LHFPL2: variants seen among roughly 807,000 people sequenced by gnomAD.
LHFPL2 encodes the protein LHFPL tetraspan subfamily member 2.
LHFPL2 carries 7 observed loss-of-function variants against 17.5 expected under a neutral mutation model. The observed-to-expected ratio is 0.40, with a 90% CI of 0.23 to 0.75. LHFPL2 has a LOEUF of 0.75. LHFPL2 is among the 30% of genes least tolerant of loss of function. The probability of loss-of-function intolerance (pLI) is 0.37; values close to 1 mark genes in which losing one functional copy is unlikely to be tolerated. For synonymous variants in LHFPL2, 134 were observed against 116.2 expected (o/e 1.15, Z -0.99); for missense variants, 241 against 294.8 (o/e 0.82, Z 1.34).
chr5:78,599,339 G>A (rs1743930285), intron 2 of LHFPL2, among the ~76,000 whole-genome samples: 1 of 152,030 alleles, frequency 6.6e-6, no homozygotes, highest in African/African-American at 2.4e-5. Flanking sequence ...TGCTCTTGTT[G>A]CCCAGGCTGG....
At chr5:78,630,277 G>C (rs554094050) in intron 2 of LHFPL2, among the ~76,000 whole-genome samples, 1 of 152,322 alleles carries the variant, frequency 6.6e-6, no homozygotes, top group Admixed American at 6.5e-5. Flanking sequence ...CTCCCTGCAT[G>C]GGGCAGTGTG....
In LHFPL2 at chr5:78,485,821, T is replaced by C. The variant is rs1754219421; in HGVS notation, c.*3076A>G. 6.6e-6 allele frequency: 1 copy of C among 152,630 alleles called. No homozygotes were observed. The highest frequency in any genetic ancestry group is 2.4e-5 in the African/African-American group (1 of 41,444). The allele number at this position is 152,630 out of a possible 1,614,324, so 9.5% of individuals were successfully genotyped here. On this transcript the variant is annotated 3_prime_UTR_variant, in exon 5 of 5. Coordinates refer to ENST00000380345, the MANE Select transcript of LHFPL2 (RefSeq NM_005779.3). ...CATTAACTGGGCCTGGCGTGCGGGC[T>C]TAACTTTGACATAACACTAGCGATT... is the stretch of plus-strand genomic sequence containing the variant.
chr5:78,497,045 T>C (rs555426057), intron 4 of LHFPL2, among the ~76,000 whole-genome samples: 1 of 152,362 alleles, frequency 6.6e-6, no homozygotes, highest in South Asian at 2.1e-4. Flanking sequence ...ACCAGGACTC[T>C]TGATTTCCAT....
intron 2 of LHFPL2, among the ~76,000 whole-genome samples, chr5:78,589,379 A>C (rs1743544601): frequency 6.6e-6 from 1 of 151,544 alleles, no homozygotes; most frequent in Non-Finnish European, 1.5e-5. Flanking sequence ...GCTAAGGAGG[A>C]GAATCGCTTG....
chr5:78,544,764 CACACACGTAT>C (rs1163441152), intron 3 of LHFPL2, among the ~76,000 whole-genome samples: 2 of 151,674 alleles, frequency 1.3e-5, no homozygotes, highest in African/African-American at 2.4e-5. Flanking sequence ...CACACACACA[CACACACGTAT>C]ACACACACAC....
intron 3 of LHFPL2, among the ~76,000 whole-genome samples, chr5:78,524,640 G>T (rs1304580527): frequency 6.6e-6 from 1 of 151,770 alleles, no homozygotes; most frequent in African/African-American, 2.4e-5. Context: ...TGCTCAGGAG[G>T]CTGAGGCACA....
chr5:78,596,737 G>C (rs1440188303), intron 2 of LHFPL2, among the ~76,000 whole-genome samples: 1 of 152,162 alleles, frequency 6.6e-6, no homozygotes. Flanking sequence ...ATCTACCAAG[G>C]AAATGCTGCC....
intron 2 of LHFPL2, among the ~76,000 whole-genome samples, chr5:78,609,018 C>T (rs1221052149): frequency 6.6e-6 from 1 of 152,010 alleles, no homozygotes; most frequent in Non-Finnish European, 1.5e-5. Flanking sequence ...AATGGCATGA[C>T]CTTTCTGCAA....
chr5:78,599,368 C>T (rs1462422049), intron 2 of LHFPL2, among the ~76,000 whole-genome samples: 5 of 152,042 alleles, frequency 3.3e-5, no homozygotes, highest in Admixed American at 6.6e-5. Context: ...GGCTCAATCT[C>T]GGCTCACTGC....
intron 3 of LHFPL2, among the ~76,000 whole-genome samples, chr5:78,533,850 C>T (rs1053346161): frequency 6.6e-6 from 1 of 152,210 alleles, no homozygotes; most frequent in African/African-American, 2.4e-5. Flanking sequence ...AATCTACAGG[C>T]CCTGCCTCGG....
intron 1 of LHFPL2, among the ~76,000 whole-genome samples, chr5:78,642,740 T>C (rs896960812): frequency 2.0e-5 from 3 of 152,184 alleles, no homozygotes; most frequent in African/African-American, 7.2e-5. Context: ...GGGCTTGTAG[T>C]TCAGTTTTGG....
intron 4 of LHFPL2, chr5:78,494,285 G>A (rs1280078858): frequency 1.2e-6 from 1 of 806,508 alleles, no homozygotes; most frequent in Non-Finnish European, 1.5e-6. Flanking sequence ...ATGGGGGGGA[G>A]AATGACACTG....
At chr5:78,599,761 G>A (rs75457385) in intron 2 of LHFPL2, among the ~76,000 whole-genome samples, 2,366 of 152,228 alleles carry the variant, frequency 0.016, 66 homozygotes, top group African/African-American at 0.054. Context: ...TACAGATAAT[G>A]GCAGACAATG....
intron 3 of LHFPL2, among the ~76,000 whole-genome samples, chr5:78,562,895 G>C (rs1580810052): frequency 1.3e-5 from 2 of 152,324 alleles, no homozygotes; most frequent in African/African-American, 4.8e-5. Flanking sequence ...CCCAGAGCAG[G>C]ATTAAACAGG....
At chr5:78,644,262 C>T (rs1745785999) in intron 1 of LHFPL2, 1 of 782,084 alleles carries the variant, frequency 1.3e-6, no homozygotes, top group Non-Finnish European at 2.2e-6. Context: ...TGTGCTAGAA[C>T]CAACTTATTC....
intron 2 of LHFPL2, among the ~76,000 whole-genome samples, chr5:78,568,542 C>T (rs1304802675): frequency 6.6e-6 from 1 of 152,140 alleles, no homozygotes; most frequent in Non-Finnish European, 1.5e-5. Context: ...ACTTGAAGTG[C>T]ACTGATTTGA....
At chr5:78,634,521 C>T (rs1745364018) in intron 1 of LHFPL2, among the ~76,000 whole-genome samples, 1 of 152,250 alleles carries the variant, frequency 6.6e-6, no homozygotes, top group Non-Finnish European at 1.5e-5. Flanking sequence ...AAAGGCCTTC[C>T]ATGGCCAAAC....
intron 4 of LHFPL2, among the ~76,000 whole-genome samples, chr5:78,493,701 T>C (rs1311563532): frequency 6.6e-6 from 1 of 152,098 alleles, no homozygotes; most frequent in African/African-American, 2.4e-5. Context: ...AGAAAGAAAA[T>C]AGAGACCTTT....
chr5:78,569,036 G>A (rs1323836435), intron 2 of LHFPL2, among the ~76,000 whole-genome samples: 3 of 152,154 alleles, frequency 2.0e-5, no homozygotes, highest in South Asian at 2.1e-4. Flanking sequence ...AGGCAGGCCA[G>A]TGTATTTCCA....
Sources: gnomAD v4.1 joint callset for allele counts (sites outside exome capture counted in the v4.1 genomes callset) on GRCh38, gnomAD v4.1.1 for gene constraint, MANE v1.5 for transcripts, NCBI Gene and HGNC (gene_info 2026-07-23, HGNC 2026-07-21) for gene names.